The following GPT2 variants were observed in gnomAD, a reference collection of about 807,000 sequenced individuals.
GPT2 encodes glutamic--pyruvic transaminase 2.
GPT2 carries 30 observed loss-of-function variants against 56.9 expected under a neutral mutation model. The observed-to-expected ratio is 0.53, with a 90% confidence interval of 0.39 to 0.72. GPT2 has a LOEUF of 0.72. Among genes scored for constraint, GPT2 ranks in the 30% least tolerant of loss-of-function variants. The pLI is 0.00. For missense variants in GPT2, 542 were observed against 703.4 expected (o/e 0.77, Z 2.60); for synonymous variants, 271 against 283.1 (o/e 0.96, Z 0.43).
chr16:46,910,056 T>G, intron 6 of GPT2, 129 bp downstream of exon 6: 1 of 1,287,362 alleles, frequency 7.8e-7, no homozygotes, highest in Non-Finnish European at 1.0e-6. Flanking sequence ...TTTGCTAACC[T>G]AAAGCCATGA....
At position 46,906,731 on chromosome 16, in the gene GPT2, C is replaced by G. The variant is rs184727714; in HGVS notation, c.443-111C>G. 641 of 1,441,034 alleles carry G rather than the reference C, an allele frequency of 4.4e-4. 2 individuals carry two copies. The Admixed American group carries it at 4.8e-3, about 11-fold the overall frequency. 89.3% of individuals were successfully genotyped at this position (1,441,034 alleles called of 1,614,324 possible). A position where few individuals can be genotyped will look rare whatever the true frequency, so the allele number is the denominator to read the frequency against. ...AAGCAATGGGAGTTGGGCCCCACCC[C>G]GAGACCCTCACCCCAAACAGGCATC... On this transcript the variant is annotated intron_variant, in intron 4 of 11. Transcript: ENST00000340124.
chr16:46,918,465 C>T (rs986858529), intron 7 of GPT2, among the ~76,000 whole-genome samples, 156 bp from the exon 8 acceptor site: 6 of 152,212 alleles, frequency 3.9e-5, no homozygotes, highest in African/African-American at 1.2e-4. Flanking sequence ...CAGAAAGTTC[C>T]TTCAGGCACA....
chr16:46,915,594 C>A (rs966080491), intron 6 of GPT2: 1 of 149,438 alleles, frequency 6.7e-6, no homozygotes, highest in South Asian at 2.1e-4. Flanking sequence ...ACACACCCCA[C>A]CACACCTACA....
chr16:46,925,854 C>T (rs1961396534), intron 10 of GPT2, among the ~76,000 whole-genome samples: 1 of 151,684 alleles, frequency 6.6e-6, no homozygotes, highest in Non-Finnish European at 1.5e-5. Flanking sequence ...AATCCCTGGG[C>T]CAGGTGTGGT....
At chr16:46,918,329 A>G (rs1421283407) in intron 7 of GPT2, among the ~76,000 whole-genome samples, 3 of 152,162 alleles carry the variant, frequency 2.0e-5, no homozygotes, top group Non-Finnish European at 4.4e-5. Flanking sequence ...GGGTCTCAGC[A>G]CCATCACTGG....
At chr16:46,918,390 A>G (rs1961214286) in intron 7 of GPT2, among the ~76,000 whole-genome samples, 1 of 152,204 alleles carries the variant, frequency 6.6e-6, no homozygotes, top group African/African-American at 2.4e-5. Flanking sequence ...CGAGTGTGAG[A>G]GAAATCAAGT....
At chr16:46,926,104 C>G (rs1961403517) in intron 10 of GPT2, among the ~76,000 whole-genome samples, 1 of 147,594 alleles carries the variant, frequency 6.8e-6, no homozygotes, top group African/African-American at 2.5e-5. Flanking sequence ...GCACTCCATC[C>G]TGGGCGACAG....
intron 6 of GPT2, among the ~76,000 whole-genome samples, chr16:46,911,978 T>G (rs554396162): frequency 6.6e-6 from 1 of 152,290 alleles, no homozygotes; most frequent in South Asian, 2.1e-4. Context: ...CATAAGTAAT[T>G]TTTATAAAGA....
chr16:46,886,201 CA>C (rs1170498953), intron 2 of GPT2, among the ~76,000 whole-genome samples: 2 of 152,154 alleles, frequency 1.3e-5, no homozygotes, highest in Admixed American at 1.3e-4. Flanking sequence ...CTCCCTGGCC[CA>C]GAGGTGGGCC....
intron 2 of GPT2, among the ~76,000 whole-genome samples, chr16:46,890,703 A>G (rs956001157): frequency 4.6e-5 from 7 of 152,166 alleles, no homozygotes; most frequent in African/African-American, 1.7e-4. Context: ...ACATTTATAT[A>G]CATTCTATAT....
At chr16:46,922,508 C>T in intron 9 of GPT2, 92 bp downstream of exon 9, 1 of 1,242,014 alleles carries the variant, frequency 8.1e-7, no homozygotes. Context: ...GGTGGCCAGA[C>T]AGCAGCCTCC....
intron 2 of GPT2, among the ~76,000 whole-genome samples, chr16:46,895,783 T>A (rs1960674602): frequency 6.6e-6 from 1 of 152,202 alleles, no homozygotes; most frequent in Non-Finnish European, 1.5e-5. Flanking sequence ...TCCTCCTGCC[T>A]TGGCCTCCCA....
At chr16:46,927,622 C>A (rs1961444654) in intron 11 of GPT2, among the ~76,000 whole-genome samples, 1 of 152,198 alleles carries the variant, frequency 6.6e-6, no homozygotes, top group Admixed American at 6.5e-5. Flanking sequence ...CTTCCCCATA[C>A]ATGTTGCTCT....
rs1035834791 is a variant in GPT2, at chr16:46,884,981, G to T, written c.243+23G>T. ...CGGGTGAGCGCGCGCTGGGCCCCGGGGAGGCTGGGGCCGCTGAGCAAGGGA... is the reference window on the plus strand; with the variant it reads ...CGGGTGAGCGCGCGCTGGGCCCCGGTGAGGCTGGGGCCGCTGAGCAAGGGA... On this transcript the variant is annotated intron_variant, in intron 2 of 11. Transcript: ENST00000340124. 29 of 1,460,576 alleles carry T rather than the reference G, an allele frequency of 2.0e-5. No individual in the cohort carries two copies. In the Admixed American group the frequency reaches 4.6e-4, roughly 23 times the overall value. The allele number at this position is 1,460,576 out of a possible 1,614,324, so 90.5% of individuals were successfully genotyped here.
chr16:46,886,268 G>A (rs982454163), intron 2 of GPT2, among the ~76,000 whole-genome samples: 3 of 152,288 alleles, frequency 2.0e-5, no homozygotes, highest in South Asian at 2.1e-4. Flanking sequence ...CCTCCTTGAC[G>A]CAACAGCCTC....
intron 8 of GPT2, among the ~76,000 whole-genome samples, chr16:46,921,667 T>C (rs984229375): frequency 2.0e-5 from 3 of 152,116 alleles, no homozygotes; most frequent in African/African-American, 7.2e-5. Flanking sequence ...GATTTTTTTT[T>C]AAAACTCATC....
At chr16:46,887,166 G>C (rs1258709250) in intron 2 of GPT2, among the ~76,000 whole-genome samples, 2 of 152,054 alleles carry the variant, frequency 1.3e-5, no homozygotes, top group East Asian at 3.9e-4. Context: ...GAACTGTCGT[G>C]ATCAAAACTG....
At chr16:46,902,493 G>A (rs890066981) in intron 4 of GPT2, among the ~76,000 whole-genome samples, 3 of 152,150 alleles carry the variant, frequency 2.0e-5, no homozygotes, top group Non-Finnish European at 2.9e-5. Context: ...TGTCACCTAC[G>A]CTCTGGGCAG....
intron 6 of GPT2, among the ~76,000 whole-genome samples, chr16:46,913,689 C>G (rs1961087489): frequency 6.6e-6 from 1 of 151,934 alleles, no homozygotes; most frequent in Non-Finnish European, 1.5e-5. Flanking sequence ...TTCCATAGAC[C>G]AGAATATAGG....
Sources: allele counts gnomAD v4.1 joint callset (sites outside exome capture counted in the v4.1 genomes callset), GRCh38; gene constraint gnomAD v4.1.1; transcripts MANE v1.5; gene names NCBI Gene and HGNC (gene_info 2026-07-23, HGNC 2026-07-21).